Variants in NFIA observed in about 807,000 individuals in gnomAD.
NFIA encodes nuclear factor 1 A-type.
A neutral mutation model predicts 62.8 loss-of-function variants in NFIA; 8 were observed. The ratio of observed to expected loss-of-function variants is 0.13; its 90% CI spans 0.07 to 0.23. The LOEUF is 0.23. Ranked by LOEUF, NFIA falls within the 10% of genes least tolerant of loss-of-function variation. The probability of loss-of-function intolerance (pLI) is 1.00; values close to 1 mark genes in which losing one functional copy is unlikely to be tolerated. For missense variants in NFIA, 410 were observed against 642.1 expected (o/e 0.64, Z 3.91); for synonymous variants, 235 against 238.1 (o/e 0.99, Z 0.12).
chr1:61,237,802 C>G (rs1476121152), intron 2 of NFIA, among the ~76,000 whole-genome samples: 1 of 152,172 alleles, frequency 6.6e-6, no homozygotes, highest in Non-Finnish European at 1.5e-5. Flanking sequence ...ATTGGCATCA[C>G]AGTACTCATC....
intron 6 of NFIA, among the ~76,000 whole-genome samples, chr1:61,371,008 A>C (rs963217259): frequency 6.6e-6 from 1 of 152,162 alleles, no homozygotes; most frequent in African/African-American, 2.4e-5. Flanking sequence ...TCACTTAACT[A>C]TGATTAGCTT....
At chr1:61,182,637 T>C (rs533964305) in intron 2 of NFIA, among the ~76,000 whole-genome samples, 1 of 152,330 alleles carries the variant, frequency 6.6e-6, no homozygotes, top group South Asian at 2.1e-4. Context: ...TTGAAACAGA[T>C]GAAATCATAA....
At chr1:61,160,313 G>T (rs1023688140) in intron 2 of NFIA, among the ~76,000 whole-genome samples, 1 of 152,204 alleles carries the variant, frequency 6.6e-6, no homozygotes, top group African/African-American at 2.4e-5. Context: ...TAGATTCCTA[G>T]CCCCTTCCGA....
At chr1:61,150,761 C>T (rs998964374) in intron 2 of NFIA, among the ~76,000 whole-genome samples, 1 of 152,156 alleles carries the variant, frequency 6.6e-6, no homozygotes, top group Non-Finnish European at 1.5e-5. Flanking sequence ...TCTGTGGGCT[C>T]AAGAGCTATC....
chr1:61,299,617 A>G (rs1659386708), intron 3 of NFIA, among the ~76,000 whole-genome samples: 1 of 152,180 alleles, frequency 6.6e-6, no homozygotes, highest in African/African-American at 2.4e-5. Context: ...CCAAATGGAA[A>G]ATTACCCAGT....
At chr1:61,279,275 C>G (rs982595287) in intron 3 of NFIA, among the ~76,000 whole-genome samples, 1 of 152,098 alleles carries the variant, frequency 6.6e-6, no homozygotes, top group Admixed American at 6.5e-5. Context: ...ATTTCCTACC[C>G]ATGAGAAATT....
intron 2 of NFIA, among the ~76,000 whole-genome samples, chr1:61,152,685 A>G (rs952470544): frequency 2.0e-5 from 3 of 152,216 alleles, no homozygotes; most frequent in Non-Finnish European, 2.9e-5. Flanking sequence ...AGATATAAAA[A>G]ATAAAGTCCA....
At chr1:61,244,602 A>G (rs960362238) in intron 2 of NFIA, among the ~76,000 whole-genome samples, 1 of 152,158 alleles carries the variant, frequency 6.6e-6, no homozygotes, top group African/African-American at 2.4e-5. Context: ...CCTTGTGGTC[A>G]CCTGGGTTTG....
chr1:61,435,321 A>G (rs1041934057), intron 10 of NFIA, among the ~76,000 whole-genome samples: 1 of 152,222 alleles, frequency 6.6e-6, no homozygotes, highest in African/African-American at 2.4e-5. Context: ...ACCTCATAGA[A>G]GAAACCCCAA....
chr1:61,366,186 A>G (rs1052215664), intron 6 of NFIA, among the ~76,000 whole-genome samples: 4 of 152,196 alleles, frequency 2.6e-5, no homozygotes, highest in African/African-American at 9.6e-5. Flanking sequence ...AACGATTTAT[A>G]CCAGGGGTCC....
At chr1:61,312,480 A>G (rs933894651) in intron 3 of NFIA, among the ~76,000 whole-genome samples, 7 of 151,628 alleles carry the variant, frequency 4.6e-5, no homozygotes, top group African/African-American at 9.7e-5. Context: ...CTTCTCCCCA[A>G]TGTTGTGACT....
chr1:61,206,194 T>G (rs575158362), intron 2 of NFIA, among the ~76,000 whole-genome samples: 1 of 152,188 alleles, frequency 6.6e-6, no homozygotes, highest in Admixed American at 6.5e-5. Flanking sequence ...GTTATAAAAA[T>G]TGTTATATAA....
At chr1:61,077,653 T>C, upstream of NFIA, 1 of 1,407,466 alleles carries the variant, frequency 7.1e-7, no homozygotes, top group Non-Finnish European at 9.4e-7. Flanking sequence ...TTAAACTTTC[T>C]ATTTTGCATT....
At chr1:61,301,912 G>GT (rs1163816616) in intron 3 of NFIA, among the ~76,000 whole-genome samples, 2 of 152,206 alleles carry the variant, frequency 1.3e-5, no homozygotes, top group South Asian at 2.1e-4. Context: ...TCCTAAGGTG[G>GT]TTGTTGGCAG....
chr1:61,383,325 G>A lies in NFIA; in HGVS notation c.1035G>A (p.Ala345=), dbSNP rs1051141398. 16 of 1,613,828 alleles carry A rather than the reference G, an allele frequency of 9.9e-6. No homozygotes were observed. The highest frequency in any genetic ancestry group is 3.3e-5 in the South Asian group (3 of 91,084). ...CACAGACCTCCTCCCTGGGAACGGC[G>A]TTCACACAGCATCACCGACCTGTCA... ...SPSQTSSLGT[A]FTQHHRPVIT... The change falls in exon 7 of 11, where the codon GCG becomes GCA. Residue 345 remains alanine, a synonymous_variant. Coordinates refer to ENST00000403491, the MANE Select transcript of NFIA (RefSeq NM_001134673.4).
rs1174439107 is a variant in NFIA at position 61,267,210 on chromosome 1, AT to A, written c.560-10309del. On this transcript the variant is annotated intron_variant, in intron 2 of 10. Transcript: ENST00000403491. ...GGAGAAAAGTCTGATTTAAAAAAAA[AT>A]ATTTTTATACTTTTAGGCTGGGTGC... Among the ~76,000 whole-genome samples, 5 of 152,216 alleles carry A rather than the reference AT, an allele frequency of 3.3e-5. No homozygotes were observed. The East Asian group carries it at 5.8e-4, about 18-fold the overall frequency.
intron 2 of NFIA, among the ~76,000 whole-genome samples, chr1:61,155,531 G>A (rs1456081000): frequency 6.6e-6 from 1 of 151,702 alleles, no homozygotes; most frequent in Non-Finnish European, 1.5e-5. Flanking sequence ...AAATTAGCCG[G>A]GCGCGGTGGT....
At chr1:61,377,789 G>A (rs575622069) in intron 6 of NFIA, among the ~76,000 whole-genome samples, 161 of 152,264 alleles carry the variant, frequency 1.1e-3, no homozygotes, top group Middle Eastern at 6.8e-3. Flanking sequence ...GCTGTCCCGA[G>A]CAGCACTTAC....
intron 2 of NFIA, among the ~76,000 whole-genome samples, chr1:61,164,879 A>G (rs1020139494): frequency 2.0e-5 from 3 of 152,192 alleles, no homozygotes; most frequent in Admixed American, 6.5e-5. Flanking sequence ...ATGAAACCCA[A>G]CTGCAGGACC....
Sources: gnomAD v4.1 joint callset for allele counts (sites outside exome capture counted in the v4.1 genomes callset) on GRCh38, gnomAD v4.1.1 for gene constraint, MANE v1.5 for transcripts, NCBI Gene and HGNC (gene_info 2026-07-23, HGNC 2026-07-21) for gene names.